Variants in SLC12A6 observed in about 807,000 individuals in gnomAD.
SLC12A6 encodes solute carrier family 12 member 6, also known as K-Cl cotransporter 3.
Under a neutral mutation model 135.3 loss-of-function variants are expected in SLC12A6, and 66 were observed. The observed-to-expected ratio is 0.49, with a 90% CI of 0.40 to 0.60. The LOEUF is 0.60. Among genes scored for constraint, SLC12A6 ranks in the 20% least tolerant of loss-of-function variants. The pLI is 0.00. For synonymous variants in SLC12A6, 513 were observed against 508.8 expected, an observed-to-expected ratio of 1.01 and a Z score of -0.11; for missense variants, 1,058 against 1,452.3, an observed-to-expected ratio of 0.73 and a Z score of 4.41.
At chr15:34,330,216 A>G (rs139772742) in intron 2 of SLC12A6, among the ~76,000 whole-genome samples, 1,799 of 152,118 alleles carry the variant, frequency 0.012, 14 homozygotes, top group Middle Eastern at 0.037. Flanking sequence ...CTCTCTTCCC[A>G]TCACTCCTCC....
intron 16 of SLC12A6, among the ~76,000 whole-genome samples, chr15:34,242,564 A>C (rs1891714980): frequency 6.6e-6 from 1 of 152,176 alleles, no homozygotes; most frequent in Admixed American, 6.5e-5. Flanking sequence ...AAATAACGGA[A>C]CACTATCAGT....
rs1204457802 is a variant in SLC12A6, at chr15:34,254,521, T to G, written c.945A>C (p.Leu315=). 3.1e-6 allele frequency: 5 copies of G among 1,612,372 alleles called. No individual in the cohort carries two copies. Among genetic ancestry groups the G allele is most frequent in the Non-Finnish European group, 3.4e-6 (4 of 1,178,488 alleles). Residue 315 remains leucine (L), a synonymous_variant, in exon 9 of 26, where the codon CTA becomes CTC. Coordinates refer to ENST00000354181, the MANE Select transcript of SLC12A6 (RefSeq NM_001365088.1). ...DDALKESAAM[L]NNMRVYGTAF... is the part of the protein sequence containing the mutation. The stretch of plus-strand genomic sequence containing the variant: ...CTGTGCCGTAGACACGCATGTTATT[T>G]AGCATGGCTGCTGATTCCTTGAGTG...
At chr15:34,301,579 T>C (rs908233380) in intron 2 of SLC12A6, among the ~76,000 whole-genome samples, 1 of 152,154 alleles carries the variant, frequency 6.6e-6, no homozygotes. Flanking sequence ...GTAGTGAAAA[T>C]GTAGGGCCAA....
intron 2 of SLC12A6, chr15:34,299,636 T>G (rs560091349): frequency 1.3e-5 from 2 of 152,192 alleles, no homozygotes; most frequent in African/African-American, 4.8e-5. Context: ...AGTCTTAACA[T>G]GAAGATTGTT....
At chr15:34,262,957 T>C (rs1305861195) in intron 3 of SLC12A6, among the ~76,000 whole-genome samples, 2 of 152,146 alleles carry the variant, frequency 1.3e-5, no homozygotes, top group Non-Finnish European at 2.9e-5. Flanking sequence ...AGCCTGGGCA[T>C]GGATGTTGCT....
At chr15:34,295,126 A>G (rs1895796354) in intron 2 of SLC12A6, among the ~76,000 whole-genome samples, 2 of 152,208 alleles carry the variant, frequency 1.3e-5, no homozygotes, top group South Asian at 4.1e-4. Flanking sequence ...ATTTACAGCA[A>G]TCTCATCCTA....
At chr15:34,245,193 C>T in intron 15 of SLC12A6, 92 bp downstream of exon 15, 1 of 811,946 alleles carries the variant, frequency 1.2e-6, no homozygotes. Flanking sequence ...TTAGCCCACT[C>T]TGTTATCACT....
At chr15:34,300,217 A>T (rs551567854) in intron 2 of SLC12A6, among the ~76,000 whole-genome samples, 1 of 152,200 alleles carries the variant, frequency 6.6e-6, no homozygotes, top group African/African-American at 2.4e-5. Flanking sequence ...GTGTCAACAC[A>T]GATGCTGGTA....
At chr15:34,300,132 G>A (rs1384177017) in intron 2 of SLC12A6, among the ~76,000 whole-genome samples, 1 of 152,112 alleles carries the variant, frequency 6.6e-6, no homozygotes, top group Non-Finnish European at 1.5e-5. Flanking sequence ...ACAAGAGTTA[G>A]GAAGCAAGAA....
intron 2 of SLC12A6, among the ~76,000 whole-genome samples, chr15:34,314,297 T>A (rs1489280484): frequency 6.6e-6 from 1 of 152,188 alleles, no homozygotes; most frequent in Non-Finnish European, 1.5e-5. Context: ...TCCACCCACC[T>A]CGGCCTCCCA....
rs563159216 is a variant in SLC12A6 at position 34,239,953 on chromosome 15, CT to C, written c.2436+707del. On this transcript the variant is annotated intron_variant, in intron 19 of 25. Transcript: ENST00000354181. Reference sequence around the variant, plus strand: ...GATTCCAAAATGAAATCCAGTAAAACTTTTTTTTTTAAATACTTTAAGTTTT... The same window carrying C: ...GATTCCAAAATGAAATCCAGTAAAACTTTTTTTTTAAATACTTTAAGTTTT... Among the ~76,000 whole-genome samples, 26 of 149,664 alleles carry C rather than the reference CT, an allele frequency of 1.7e-4. 1 individual carries two copies. The South Asian group carries it at 1.9e-3, about 11-fold the overall frequency.
intron 2 of SLC12A6, among the ~76,000 whole-genome samples, chr15:34,311,056 T>C (rs1224729229): frequency 1.3e-5 from 2 of 152,194 alleles, no homozygotes; most frequent in Non-Finnish European, 2.9e-5. Context: ...CTACCATTTG[T>C]ATTACTTGTG....
chr15:34,248,889 A>T (rs901697086), intron 13 of SLC12A6, among the ~76,000 whole-genome samples: 1 of 152,130 alleles, frequency 6.6e-6, no homozygotes, highest in African/African-American at 2.4e-5. Context: ...GGTGGGAGTA[A>T]CCTATTCTAA....
rs773501712 is a variant in SLC12A6, at chr15:34,229,799, GCAGCGC to G, written c.*4076_*4081del. On this transcript the variant is annotated 3_prime_UTR_variant, in exon 26 of 26. Transcript: ENST00000354181. ...GGACTGCTTTTGTGAACATGAGAAA[GCAGCGC>G]CTGGTCCCTATGTATTTGGGTCTTA... 26 of 1,611,740 alleles carry G rather than the reference GCAGCGC, an allele frequency of 1.6e-5. No individual in the cohort carries two copies. The South Asian group carries it at 2.1e-4, about 13-fold the overall frequency.
At chr15:34,262,843 C>A (rs142988894) in intron 3 of SLC12A6, among the ~76,000 whole-genome samples, 1 of 152,294 alleles carries the variant, frequency 6.6e-6, no homozygotes, top group African/African-American at 2.4e-5. Context: ...CCCACCAGTG[C>A]GCAATTGCCA....
intron 3 of SLC12A6, 33 bp downstream of exon 3, chr15:34,275,303 GGGTGACTTT>G (rs748138333): frequency 1.0e-6 from 1 of 999,938 alleles, no homozygotes; most frequent in African/African-American, 1.6e-5. Context: ...AATGAGTTAA[GGGTGACTTT>G]GGATAAAGTC....
At chr15:34,294,012 T>C (rs1048191100) in intron 2 of SLC12A6, among the ~76,000 whole-genome samples, 3 of 152,258 alleles carry the variant, frequency 2.0e-5, no homozygotes, top group East Asian at 3.8e-4. Context: ...TGCAAATGTA[T>C]ATTAATTCAC....
intron 2 of SLC12A6, among the ~76,000 whole-genome samples, chr15:34,327,404 C>A (rs746551409): frequency 6.6e-6 from 1 of 152,154 alleles, no homozygotes; most frequent in Admixed American, 6.5e-5. Context: ...CAGTGGCTCA[C>A]GCCTGTAATC....
chr15:34,243,843 G>C, intron 16 of SLC12A6, 131 bp downstream of exon 16: 1 of 708,962 alleles, frequency 1.4e-6, no homozygotes, highest in Non-Finnish European at 2.6e-6. Context: ...GATAAGAATT[G>C]AAAGTTGAAA....
Sources: allele counts gnomAD v4.1 joint callset (sites outside exome capture counted in the v4.1 genomes callset), GRCh38; gene constraint gnomAD v4.1.1; transcripts MANE v1.5; gene names NCBI Gene and HGNC (gene_info 2026-07-23, HGNC 2026-07-21).